Variants in RANBP2 observed in about 807,000 individuals in gnomAD.
RANBP2 encodes E3 SUMO-protein ligase RanBP2.
Under a neutral mutation model 303.6 loss-of-function variants are expected in RANBP2, and 57 were observed. The observed-to-expected ratio is 0.19, with a 90% CI of 0.15 to 0.23. The LOEUF is 0.23. Ranked by LOEUF, RANBP2 falls within the 10% of genes least tolerant of loss-of-function variation. The pLI is 1.00. For synonymous variants in RANBP2, 1,167 were observed against 1,301.5 expected, an observed-to-expected ratio of 0.90 and a Z score of 2.23; for missense variants, 3,138 against 3,780.8, an observed-to-expected ratio of 0.83 and a Z score of 4.46.
chr2:108,791,257 A>G, the RANBP2 span, among the ~76,000 whole-genome samples: 1 of 152,270 alleles, frequency 6.6e-6, no homozygotes, highest in East Asian at 1.9e-4. Flanking sequence ...TTTGGAGACA[A>G]CACCTGGAAT....
chr2:108,945,211 G>C, the RANBP2 span, among the ~76,000 whole-genome samples: 5 of 152,162 alleles, frequency 3.3e-5, no homozygotes, highest in African/African-American at 1.2e-4. Flanking sequence ...CGAGCTCCCC[G>C]TCCTGGGGCA....
chr2:109,457,675 C>T, the RANBP2 span, among the ~76,000 whole-genome samples: 1 of 152,246 alleles, frequency 6.6e-6, no homozygotes, highest in African/African-American at 2.4e-5. Flanking sequence ...AGATTCTGTT[C>T]TGCAAAATTC....
At chr2:109,515,997 C>G in the RANBP2 span, among the ~76,000 whole-genome samples, 1 of 152,178 alleles carries the variant, frequency 6.6e-6, no homozygotes, top group Non-Finnish European at 1.5e-5. Flanking sequence ...ACCAAACATC[C>G]AAACAATATC....
the RANBP2 span, among the ~76,000 whole-genome samples, chr2:108,858,491 C>A: frequency 1.1e-4 from 16 of 152,098 alleles, no homozygotes; most frequent in Non-Finnish European, 1.8e-4. Context: ...ATGGGTGAAT[C>A]TTTGATGATG....
the RANBP2 span, among the ~76,000 whole-genome samples, chr2:109,568,460 C>T: frequency 6.6e-6 from 1 of 151,420 alleles, no homozygotes; most frequent in Admixed American, 6.6e-5. Context: ...CAACCACTGC[C>T]TTCTGGGTTC....
At chr2:108,901,400 C>T in the RANBP2 span, among the ~76,000 whole-genome samples, 1 of 152,042 alleles carries the variant, frequency 6.6e-6, no homozygotes, top group Non-Finnish European at 1.5e-5. Context: ...ATCTAAGCTC[C>T]CATTTCAAGC....
chr2:109,056,977 G>A, the RANBP2 span, among the ~76,000 whole-genome samples: 4 of 152,328 alleles, frequency 2.6e-5, no homozygotes, highest in South Asian at 2.1e-4. Context: ...AAATTGCAAT[G>A]TTCCTGTTTT....
At chr2:109,514,702 T>A in the RANBP2 span, among the ~76,000 whole-genome samples, 2 of 152,210 alleles carry the variant, frequency 1.3e-5, no homozygotes, top group Admixed American at 6.5e-5. Flanking sequence ...CCCCTCATTT[T>A]TCACTTTCAG....
chr2:109,122,626 T>G, the RANBP2 span, among the ~76,000 whole-genome samples: 1 of 152,186 alleles, frequency 6.6e-6, no homozygotes, highest in Admixed American at 6.5e-5. Context: ...TCTTAGCACT[T>G]TGGGAGGCCA....
At chr2:109,479,211 C>G in the RANBP2 span, among the ~76,000 whole-genome samples, 1 of 152,164 alleles carries the variant, frequency 6.6e-6, no homozygotes, top group African/African-American at 2.4e-5. Flanking sequence ...GCAGTGGCAT[C>G]TCCCCTGAGC....
At chr2:109,404,443 C>T in the RANBP2 span, among the ~76,000 whole-genome samples, 2 of 152,202 alleles carry the variant, frequency 1.3e-5, no homozygotes, top group African/African-American at 4.8e-5. Flanking sequence ...GACTGGGAGT[C>T]TCAGCAGCCA....
chr2:108,771,639 T>TA (rs1309338881), intron 20 of RANBP2, 62 bp from the exon 21 acceptor site: 3 of 1,595,806 alleles, frequency 1.9e-6, no homozygotes, highest in East Asian at 2.2e-5. Context: ...TATTTTCAGT[T>TA]AGAGTATTAA....
At chr2:109,372,473 T>C in the RANBP2 span, among the ~76,000 whole-genome samples, 3 of 152,232 alleles carry the variant, frequency 2.0e-5, no homozygotes, top group African/African-American at 4.8e-5. Flanking sequence ...GTGGCTTCAG[T>C]GAATGCTTAC....
At chr2:109,299,359 T>G in the RANBP2 span, among the ~76,000 whole-genome samples, 1 of 152,226 alleles carries the variant, frequency 6.6e-6, no homozygotes, top group African/African-American at 2.4e-5. Flanking sequence ...GTTACTGCTG[T>G]GACCACATAT....
chr2:109,451,885 G>A, the RANBP2 span, among the ~76,000 whole-genome samples: 2 of 152,204 alleles, frequency 1.3e-5, no homozygotes, highest in Non-Finnish European at 2.9e-5. Flanking sequence ...ACATGCTGTG[G>A]GAGCAGTCCA....
chr2:109,216,835 C>T, the RANBP2 span, among the ~76,000 whole-genome samples: 6 of 152,202 alleles, frequency 3.9e-5, no homozygotes, highest in South Asian at 1.0e-3. Context: ...GCAAACAGTT[C>T]AGTGGCATTA....
At chr2:109,002,372 TCTCA>T in the RANBP2 span, among the ~76,000 whole-genome samples, 2 of 152,174 alleles carry the variant, frequency 1.3e-5, no homozygotes, top group Admixed American at 1.3e-4. Context: ...CTTGCCTCCT[TCTCA>T]CTCACTATGT....
At chr2:108,828,522 A>T in the RANBP2 span, among the ~76,000 whole-genome samples, 1 of 152,244 alleles carries the variant, frequency 6.6e-6, no homozygotes, top group Non-Finnish European at 1.5e-5. Context: ...AATGGGATAG[A>T]ATGGAGAGCC....
the RANBP2 span, among the ~76,000 whole-genome samples, chr2:109,221,547 A>G: frequency 1.4e-5 from 2 of 143,016 alleles, no homozygotes; most frequent in Non-Finnish European, 3.0e-5. Flanking sequence ...GCGCCAGTGC[A>G]CTCCAGCCTG....
Sources: gnomAD v4.1 joint callset for allele counts (sites outside exome capture counted in the v4.1 genomes callset) on GRCh38, gnomAD v4.1.1 for gene constraint, MANE v1.5 for transcripts, NCBI Gene and HGNC (gene_info 2026-07-23, HGNC 2026-07-21) for gene names.